The following AMBRA1 variants were observed in gnomAD, a reference collection of about 807,000 sequenced individuals.
AMBRA1 encodes activating molecule in BECN1-regulated autophagy protein 1.
AMBRA1 carries 47 observed loss-of-function variants against 125.4 expected under a neutral mutation model. That is an observed-to-expected ratio of 0.37 (90% CI 0.30 to 0.48). The LOEUF (loss-of-function observed/expected upper bound fraction) is 0.48, where lower values mean the gene tolerates loss of function less well. AMBRA1 is among the 20% of genes least tolerant of loss of function. The probability of loss-of-function intolerance (pLI) is 0.99; values close to 1 mark genes in which losing one functional copy is unlikely to be tolerated. For synonymous variants in AMBRA1, 626 were observed against 655.5 expected (o/e 0.95, Z 0.69); for missense variants, 1,331 against 1,693.4 (o/e 0.79, Z 3.76).
Position 46,542,950 on chromosome 11 carries a change from G to T in AMBRA1, c.1067C>A (p.Ser356Ter). The T allele has an allele frequency of 6.2e-7, 1 of 1,607,976 alleles. No individual in the cohort carries two copies. Residue 356 changes from serine to a stop codon, truncating the protein, a stop_gained, in exon 7 of 18, where the codon TCG becomes TAG. Transcript: ENST00000683756. LOFTEE classifies it high-confidence loss of function. The surrounding 1 kb of genome is among the most constrained non-coding windows in gnomAD (Gnocchi z 5.9). ...GAGGCCCTGGTCCTGCTGCGTTGACGAGGCCTGCTCCGGGGGATGGAAGGG... is the reference window on the plus strand; with the variant it reads ...GAGGCCCTGGTCCTGCTGCGTTGACTAGGCCTGCTCCGGGGGATGGAAGGG... ...TEPFHPPEQASSTQQDQGLLN... is the reference protein window; with the variant it reads ...TEPFHPPEQA
intron 9 of AMBRA1, among the ~76,000 whole-genome samples, chr11:46,496,622 C>G (rs993473425): frequency 2.0e-5 from 3 of 152,134 alleles, no homozygotes; most frequent in Non-Finnish European, 4.4e-5. Flanking sequence ...CAGTACTGAG[C>G]AGTTGCCAGT....
intron 8 of AMBRA1, among the ~76,000 whole-genome samples, chr11:46,512,189 T>C (rs1951285157): frequency 6.6e-6 from 1 of 152,222 alleles, no homozygotes; most frequent in Non-Finnish European, 1.5e-5. Context: ...AGGCAAGCAC[T>C]TTAATAAAAT....
In AMBRA1 at chr11:46,397,560, C is replaced by T. The variant is rs964199125; in HGVS notation, c.3787G>A (p.Ala1263Thr). The T allele has an allele frequency of 7.6e-6, 12 of 1,571,994 alleles. No individual in the cohort carries two copies. The highest frequency in any genetic ancestry group is 2.3e-5 in the East Asian group (1 of 44,424). ...TCGCAGTGGAGGGTTGGTCCCTCAG[C>T]GCTGGGAAGGGAAACAGGAATGGGG... ...PVPIPVSLPS[A>T]EGPTLHCELT... Residue 1263 changes from alanine (A) to threonine (T), a missense_variant, in exon 18 of 18, where the codon GCT (alanine) becomes ACT (threonine). Physicochemically the swap from Ala to Thr is moderately conservative, Grantham distance 58. Around this residue, in one of 4 missense-constraint regions of AMBRA1, gnomAD observed 144 missense variants for 133.9 expected, o/e 1.08. Coordinates refer to ENST00000683756, the MANE Select transcript of AMBRA1 (RefSeq NM_001387011.1).
At chr11:46,565,646 G>A (rs1183856959) in intron 1 of AMBRA1, among the ~76,000 whole-genome samples, 1 of 152,020 alleles carries the variant, frequency 6.6e-6, no homozygotes, top group African/African-American at 2.4e-5. Context: ...GGCGGAGGTT[G>A]CAATGAACTG....
At chr11:46,569,224 C>T (rs1301355232) in intron 1 of AMBRA1, among the ~76,000 whole-genome samples, 4 of 137,500 alleles carry the variant, frequency 2.9e-5, no homozygotes, top group Admixed American at 7.8e-5. Context: ...CTAGCCTGGG[C>T]GACAAGAGGG....
chr11:46,516,967 T>C (rs1460519796), intron 7 of AMBRA1, among the ~76,000 whole-genome samples: 2 of 151,912 alleles, frequency 1.3e-5, no homozygotes, highest in South Asian at 2.1e-4. Flanking sequence ...AAAAACACAA[T>C]ACAACCAAAC....
At chr11:46,577,564 A>G (rs976058121) in intron 1 of AMBRA1, among the ~76,000 whole-genome samples, 4 of 152,186 alleles carry the variant, frequency 2.6e-5, no homozygotes, top group African/African-American at 9.7e-5. Context: ...GAATGTACTT[A>G]AATGCCACTG....
At chr11:46,587,974 T>C (rs1353031133) in intron 1 of AMBRA1, among the ~76,000 whole-genome samples, 1 of 152,024 alleles carries the variant, frequency 6.6e-6, no homozygotes, top group Non-Finnish European at 1.5e-5. Context: ...GAAAAAAATT[T>C]AGGTAGAGAA....
At chr11:46,528,344 T>C (rs1952071011) in intron 7 of AMBRA1, among the ~76,000 whole-genome samples, 1 of 152,194 alleles carries the variant, frequency 6.6e-6, no homozygotes, top group South Asian at 2.1e-4. Context: ...CTAAGTTTTG[T>C]ATTTTTAGTA....
At position 46,543,336 on chromosome 11, in the gene AMBRA1, G is replaced by A; in HGVS notation, c.681C>T (p.Ala227=). Residue 227 remains alanine, a synonymous_variant, in exon 7 of 18, where the codon GCC becomes GCT. Coordinates refer to ENST00000683756, the MANE Select transcript of AMBRA1 (RefSeq NM_001387011.1). ...GGCGAACTGGCTGTGATTGCAGGAG[G>A]GCACGCTGACGGTAGTGGGATAATT... ...GTELSHYRQR[A]LLQSQPVRRT... is the part of the protein sequence containing the mutation. 6.2e-7 allele frequency: 1 copy of A among 1,614,018 alleles called. No individual in the cohort carries two copies. Among genetic ancestry groups the A allele is most frequent in the Non-Finnish European group, 8.5e-7 (1 of 1,179,966 alleles).
intron 9 of AMBRA1, among the ~76,000 whole-genome samples, chr11:46,507,824 C>T (rs1390176364): frequency 6.6e-6 from 1 of 152,172 alleles, no homozygotes; most frequent in Non-Finnish European, 1.5e-5. Context: ...AGAAAAAACA[C>T]CAACCCTCCA....
chr11:46,457,905 CA>C (rs398045181), intron 11 of AMBRA1, among the ~76,000 whole-genome samples: 287 of 79,640 alleles, frequency 3.6e-3, no homozygotes, highest in Admixed American at 4.8e-3. Context: ...GACTCCGTTG[CA>C]AAAAAAAAAA....
chr11:46,525,502 C>T lies in AMBRA1; in HGVS notation c.2073-12689G>A, dbSNP rs959581484. 5.9e-5 allele frequency among the ~76,000 whole-genome samples: 9 copies of T among 151,948 alleles called. 1 individual carries two copies. In the East Asian group the frequency reaches 1.4e-3, roughly 23 times the overall value. On this transcript the variant is annotated intron_variant, in intron 7 of 17. Transcript: ENST00000683756. ...GCTCATGCCTGTAATCCCAGTACTTCGGAAGGCCAAGGCAGGTAGATCAAG... is the reference window on the plus strand; with the variant it reads ...GCTCATGCCTGTAATCCCAGTACTTTGGAAGGCCAAGGCAGGTAGATCAAG...
chr11:46,521,418 G>A (rs1951755978), intron 7 of AMBRA1, among the ~76,000 whole-genome samples: 1 of 152,270 alleles, frequency 6.6e-6, no homozygotes, highest in Admixed American at 6.5e-5. Flanking sequence ...ACAGGGGAAA[G>A]AGGGCAATGT....
At chr11:46,562,103 C>CA (rs2043358571) in intron 1 of AMBRA1, among the ~76,000 whole-genome samples, 1 of 152,058 alleles carries the variant, frequency 6.6e-6, no homozygotes, top group African/African-American at 2.4e-5. Flanking sequence ...GAAAATATGG[C>CA]AGGTGAAAGA....
At chr11:46,524,691 C>T (rs1302137773) in intron 7 of AMBRA1, among the ~76,000 whole-genome samples, 4 of 152,222 alleles carry the variant, frequency 2.6e-5, no homozygotes, top group South Asian at 2.1e-4. Flanking sequence ...GTCTAATAAA[C>T]AGCCATTACT....
intron 9 of AMBRA1, among the ~76,000 whole-genome samples, chr11:46,496,260 G>T (rs1335556633): frequency 6.6e-6 from 1 of 151,996 alleles, no homozygotes; most frequent in East Asian, 1.9e-4. Flanking sequence ...GTTGCATCTT[G>T]TAATCTCAGC....
At chr11:46,550,256 C>A (rs182793391) in intron 1 of AMBRA1, among the ~76,000 whole-genome samples, 2 of 152,202 alleles carry the variant, frequency 1.3e-5, no homozygotes, top group Non-Finnish European at 2.9e-5. Context: ...CAGGTTAGGT[C>A]TAAAACCTTC....
chr11:46,576,357 G>A (rs949535136), intron 1 of AMBRA1, among the ~76,000 whole-genome samples: 1 of 152,070 alleles, frequency 6.6e-6, no homozygotes, highest in African/African-American at 2.4e-5. Context: ...CGAACTCCTG[G>A]GCTCAAGAGA....
Sources: allele counts gnomAD v4.1 joint callset (sites outside exome capture counted in the v4.1 genomes callset), GRCh38; gene constraint gnomAD v4.1.1; regional missense constraint gnomAD v4.1.1; non-coding constraint Gnocchi (gnomAD v3.1); transcripts MANE v1.5; gene names NCBI Gene and HGNC (gene_info 2026-07-23, HGNC 2026-07-21).